PRKN: variants seen among roughly 807,000 people sequenced by gnomAD.
PRKN encodes the protein parkin RBR E3 ubiquitin protein ligase.
Under a neutral mutation model 59.5 loss-of-function variants are expected in PRKN, and 56 were observed. The ratio of observed to expected loss-of-function variants is 0.94; its 90% CI spans 0.76 to 1.18. The LOEUF is 1.18. Among genes scored for constraint, PRKN ranks in the 50% most tolerant of loss-of-function variants. The probability of loss-of-function intolerance (pLI) is 0.00; values close to 1 mark genes in which losing one functional copy is unlikely to be tolerated. For missense variants in PRKN, 657 were observed against 596.4 expected, an observed-to-expected ratio of 1.10 and a Z score of -1.06; for synonymous variants, 250 against 222.1, an observed-to-expected ratio of 1.13 and a Z score of -1.12.
At chr6:162,026,623 G>C (rs115629139) in intron 5 of PRKN, among the ~76,000 whole-genome samples, 1,781 of 152,212 alleles carry the variant, frequency 0.012, 32 homozygotes, top group African/African-American at 0.04. Context: ...AGGGAAAGTG[G>C]AGCTCCCTAA....
chr6:162,552,874 G>A (rs9356038), intron 1 of PRKN, among the ~76,000 whole-genome samples: 45,221 of 151,912 alleles, frequency 0.3, 7,145 homozygotes, highest in East Asian at 0.49. Context: ...AGAAAGAATC[G>A]TAGATGTAGG....
At chr6:162,085,670 A>C (rs771966939) in intron 4 of PRKN, among the ~76,000 whole-genome samples, 2 of 152,086 alleles carry the variant, frequency 1.3e-5, no homozygotes, top group Non-Finnish European at 2.9e-5. Context: ...GATACTATTC[A>C]TGTATTCTCA....
chr6:162,081,703 C>T (rs1022135151), intron 4 of PRKN, among the ~76,000 whole-genome samples: 1 of 152,112 alleles, frequency 6.6e-6, no homozygotes, highest in Admixed American at 6.5e-5. Flanking sequence ...AAGTCACCCA[C>T]TGCATTACCC....
At chr6:162,553,200 C>G (rs1379527733) in intron 1 of PRKN, among the ~76,000 whole-genome samples, 1 of 152,118 alleles carries the variant, frequency 6.6e-6, no homozygotes, top group African/African-American at 2.4e-5. Flanking sequence ...GGAACAACCT[C>G]TTTGATGAGG....
chr6:162,326,809 A>G (rs1306426863), intron 2 of PRKN, among the ~76,000 whole-genome samples: 3 of 152,212 alleles, frequency 2.0e-5, no homozygotes, highest in African/African-American at 7.2e-5. Flanking sequence ...ATATGCAATG[A>G]ATCAATGTAC....
rs1220866770 is a variant in PRKN at position 161,379,425 on chromosome 6, T to G, written c.1167+7369A>C. 6.6e-6 allele frequency among the ~76,000 whole-genome samples: 1 copy of G among 152,156 alleles called. No individual in the cohort carries two copies. Among genetic ancestry groups the G allele is most frequent in the East Asian group, 1.9e-4 (1 of 5,196 alleles). Reference sequence around the variant, plus strand: ...CCCTGCTAACCTTCCATTTGTACATTTCTCCAGTCTCTCTCATTCCACAAG... The same window carrying G: ...CCCTGCTAACCTTCCATTTGTACATGTCTCCAGTCTCTCTCATTCCACAAG... On this transcript the variant is annotated intron_variant, in intron 10 of 11. Coordinates refer to ENST00000366898, the MANE Select transcript of PRKN (RefSeq NM_004562.3). This position sits in a 1 kb window ranked among gnomAD's most constrained non-coding sequence, Gnocchi z 4.9.
At position 162,288,800 on chromosome 6, in the gene PRKN, C is replaced by T. The variant is rs140412855; in HGVS notation, c.172-26035G>A. Among the ~76,000 whole-genome samples, 191 of 152,298 alleles carry T rather than the reference C, an allele frequency of 1.3e-3. 1 individual carries two copies. The Middle Eastern group carries it at 0.014, about 11-fold the overall frequency. On this transcript the variant is annotated intron_variant, in intron 2 of 11. Transcript: ENST00000366898. ...GGATACATTTATCATTCCAAGGATT[C>T]TTGCCATTTGCAGATACCTATGCTT... is the stretch of plus-strand genomic sequence containing the variant.
At chr6:162,447,822 CCTT>C (rs1348399719) in intron 1 of PRKN, among the ~76,000 whole-genome samples, 1 of 152,162 alleles carries the variant, frequency 6.6e-6, no homozygotes, top group East Asian at 1.9e-4. Flanking sequence ...GCCCCATCCT[CCTT>C]GTCATTGGTC....
At chr6:162,196,987 T>C (rs538711770) in intron 4 of PRKN, among the ~76,000 whole-genome samples, 1 of 152,272 alleles carries the variant, frequency 6.6e-6, no homozygotes, top group Non-Finnish European at 1.5e-5. Flanking sequence ...CTTTCAAAAA[T>C]AACCCAGGTG....
chr6:161,919,155 C>T (rs988508463), intron 6 of PRKN, among the ~76,000 whole-genome samples: 20 of 152,204 alleles, frequency 1.3e-4, no homozygotes, highest in African/African-American at 3.6e-4. Context: ...CAAAAGGTAT[C>T]GTATCCTTGC....
intron 2 of PRKN, among the ~76,000 whole-genome samples, chr6:162,315,944 T>G (rs1782736519): frequency 6.6e-6 from 1 of 151,994 alleles, no homozygotes; most frequent in Non-Finnish European, 1.5e-5. Flanking sequence ...TGCTGTAAGG[T>G]CTTCAGAGCT....
At position 161,417,942 on chromosome 6, in the gene PRKN, G is replaced by A. The variant is rs2115020921; in HGVS notation, c.1084-31065C>T. 6.6e-6 allele frequency among the ~76,000 whole-genome samples: 1 copy of A among 152,320 alleles called. No homozygotes were observed. The highest frequency in any genetic ancestry group is 1.9e-4 in the East Asian group (1 of 5,168). On this transcript the variant is annotated intron_variant, in intron 9 of 11. Transcript: ENST00000366898. The surrounding 1 kb of genome is among the most constrained non-coding windows in gnomAD (Gnocchi z 5.4). The stretch of plus-strand genomic sequence containing the variant: ...CCCACCCAGGGGCATGAGTAATGCT[G>A]GGAGCTGCAGGCTGGCTTCCCACGC...
At chr6:162,630,026 C>A (rs947127098) in intron 1 of PRKN, among the ~76,000 whole-genome samples, 4 of 152,138 alleles carry the variant, frequency 2.6e-5, no homozygotes, top group African/African-American at 9.7e-5. Context: ...AGGATTATGA[C>A]TGATTCATCA....
At chr6:162,147,397 G>A (rs927979356) in intron 4 of PRKN, among the ~76,000 whole-genome samples, 6 of 150,760 alleles carry the variant, frequency 4.0e-5, no homozygotes, top group Admixed American at 4.0e-4. Flanking sequence ...GTCTATGTTG[G>A]CTACTTCCAA....
At chr6:162,303,645 G>C (rs1782072333) in intron 2 of PRKN, among the ~76,000 whole-genome samples, 1 of 152,080 alleles carries the variant, frequency 6.6e-6, no homozygotes. Context: ...CTCTATGCAA[G>C]AATATCAAAT....
intron 9 of PRKN, among the ~76,000 whole-genome samples, chr6:161,505,322 T>C (rs1201798416): frequency 6.6e-6 from 1 of 151,570 alleles, no homozygotes; most frequent in Non-Finnish European, 1.5e-5. Context: ...ATAAATGTCT[T>C]CTTTTGAGAA....
chr6:162,231,970 C>A (rs1000142208), intron 3 of PRKN, among the ~76,000 whole-genome samples: 1 of 152,170 alleles, frequency 6.6e-6, no homozygotes, highest in African/African-American at 2.4e-5. Flanking sequence ...ATCATAGTGT[C>A]ATCACCTGTC....
chr6:161,358,817 T>TG (rs1784866235), intron 11 of PRKN, among the ~76,000 whole-genome samples: 1 of 115,252 alleles, frequency 8.7e-6, no homozygotes. Flanking sequence ...TTTTTTGAGA[T>TG]GGAGTCTCAC....
At position 162,129,629 on chromosome 6, in the gene PRKN, T is replaced by A. The variant is rs183689190; in HGVS notation, c.534+71502A>T. 2.5e-3 allele frequency among the ~76,000 whole-genome samples: 379 copies of A among 151,806 alleles called. 5 individuals carry two copies. The highest frequency in any genetic ancestry group is 8.6e-3 in the African/African-American group (355 of 41,084). The stretch of plus-strand genomic sequence containing the variant: ...TGCCACTTCATTAGAGGGTGGAGCA[T>A]TCTAATTTTATAAAATAAAGTTAAA... On this transcript the variant is annotated intron_variant, in intron 4 of 11. Transcript: ENST00000366898.
Sources: allele counts gnomAD v4.1 joint callset (sites outside exome capture counted in the v4.1 genomes callset), GRCh38; gene constraint gnomAD v4.1.1; non-coding constraint Gnocchi (gnomAD v3.1); transcripts MANE v1.5; gene names NCBI Gene and HGNC (gene_info 2026-07-23, HGNC 2026-07-21).